IQSEC2: variants seen among roughly 807,000 people sequenced by gnomAD.
The protein encoded by IQSEC2 is IQ motif and SEC7 domain-containing protein 2.
Under a neutral mutation model 74.6 loss-of-function variants are expected in IQSEC2, and 6 were observed. The observed-to-expected ratio is 0.08, with a 90% confidence interval of 0.04 to 0.16. The LOEUF (loss-of-function observed/expected upper bound fraction) is 0.16. Among genes scored for constraint, IQSEC2 ranks in the 10% least tolerant of loss-of-function variants. The pLI is 1.00. For missense variants in IQSEC2, 734 were observed against 1,306.2 expected, an observed-to-expected ratio of 0.56 and a Z score of 6.75; for synonymous variants, 494 against 544.5, an observed-to-expected ratio of 0.91 and a Z score of 1.29.
At chrX:53,266,977 G>T in intron 2 of IQSEC2, 1 of 1,155,001 alleles carries the variant, frequency 8.7e-7, no homozygotes. Context: ...ACCGAGAGGA[G>T]GGACTACTGC....
chrX:53,273,176 T>C (rs2074769972), intron 2 of IQSEC2, among the ~76,000 whole-genome samples: 1 of 109,003 alleles, frequency 9.2e-6, no homozygotes, highest in African/African-American at 3.3e-5. Context: ...AACAAGACCA[T>C]TTCTGGTGGA....
At chrX:53,303,351 G>A (rs1235571842) in intron 1 of IQSEC2, among the ~76,000 whole-genome samples, 1 of 111,484 alleles carries the variant, frequency 9.0e-6, no homozygotes, top group Admixed American at 9.6e-5. Context: ...TGAGGAATGA[G>A]TGGAGCTGTA....
intron 4 of IQSEC2, among the ~76,000 whole-genome samples, chrX:53,251,738 T>C (rs1412915737): frequency 2.7e-5 from 3 of 112,051 alleles, no homozygotes; most frequent in African/African-American, 9.7e-5. Flanking sequence ...CAGAAGCGAA[T>C]GTATGTCACT....
chrX:53,228,499 G>C (rs923872359), downstream of IQSEC2, among the ~76,000 whole-genome samples: 12 of 111,799 alleles, frequency 1.1e-4, no homozygotes, highest in Non-Finnish European at 1.5e-4. Flanking sequence ...ATCCACCCGG[G>C]AGACAGGGTC....
At chrX:53,309,964 T>C (rs1184858442) in intron 1 of IQSEC2, among the ~76,000 whole-genome samples, 2 of 111,298 alleles carry the variant, frequency 1.8e-5, no homozygotes, top group African/African-American at 6.5e-5. Flanking sequence ...TCATTGTCCA[T>C]GGGAGATTTC....
At chrX:53,256,397 C>G (rs957477913) in intron 2 of IQSEC2, among the ~76,000 whole-genome samples, 7 of 110,597 alleles carry the variant, frequency 6.3e-5, no homozygotes, top group African/African-American at 2.3e-4. Flanking sequence ...CTCCTCATGC[C>G]CTTTCTTCTG....
In IQSEC2 at chrX:53,233,643, A is replaced by C. The variant is rs782069064; in HGVS notation, c.*576T>G. The C allele has an allele frequency of 7.2e-3, 1,900 of 263,555 alleles. 12 individuals are homozygous for C. The highest frequency in any genetic ancestry group is 8.2e-3 in the Non-Finnish European group (1,222 of 149,494). 21.7% of individuals were successfully genotyped at this position (263,555 alleles called of 1,213,427 possible). ...GTGGGGCCAACACAAGCAGGGTCCCACCCACCAAGTGCATCAATGGTCCGT... is the reference window on the plus strand; with the variant it reads ...GTGGGGCCAACACAAGCAGGGTCCCCCCCACCAAGTGCATCAATGGTCCGT... On this transcript the variant is annotated 3_prime_UTR_variant, in exon 15 of 15. Transcript: ENST00000642864.
At chrX:53,306,459 G>A (rs2075264208) in intron 1 of IQSEC2, among the ~76,000 whole-genome samples, 1 of 111,247 alleles carries the variant, frequency 9.0e-6, no homozygotes, top group Non-Finnish European at 1.9e-5. Flanking sequence ...GTGCTCTGGA[G>A]GCCAATGGAG....
At position 53,235,055 on chromosome X, in the gene IQSEC2, T is replaced by C; in HGVS notation, c.3631A>G (p.Ser1211Gly). Reference protein sequence around the residue: ...SSSFLGSLFGSKRGKGPFQMP... With the variant: ...SSSFLGSLFGGKRGKGPFQMP... ...TGGAAGGGCCCCTTGCCCCGCTTGC[T>C]TCCAAATAGGGAGCCCAGGAAGGAT... Residue 1211 changes from serine (S) to glycine (G), a missense_variant, in exon 15 of 15, where the codon AGC (serine) becomes GGC (glycine). Physicochemically the swap from Ser to Gly is moderately conservative, Grantham distance 56. This residue lies in a region of IQSEC2 where 249 missense variants were observed against 467.9 expected (regional missense o/e 0.53). Transcript: ENST00000642864. 1 of 1,160,699 alleles carries C rather than the reference T, an allele frequency of 8.6e-7. No individual in the cohort carries two copies. Among genetic ancestry groups the C allele is most frequent in the Non-Finnish European group, 1.1e-6 (1 of 871,284 alleles).
rs147598465 is a variant in IQSEC2 at position 53,281,151 on chromosome X, T to G, written c.737+10744A>C. ...TTTTGAATCTGAGACTCAGAGACTC[T>G]TAGGCTGCTGGAATGTTGGTGTTAG... On this transcript the variant is annotated intron_variant, in intron 2 of 14. Coordinates refer to ENST00000642864, the MANE Select transcript of IQSEC2 (RefSeq NM_001111125.3). Among the ~76,000 whole-genome samples the G allele has an allele frequency of 7.8e-3, 878 of 112,694 alleles. 10 individuals are homozygous for G. Among genetic ancestry groups the G allele is most frequent in the African/African-American group, 0.027 (841 of 31,026 alleles).
Position 53,250,271 on chromosome X carries a change from G to T in IQSEC2, c.2297+8C>A, listed in dbSNP as rs1556862948. 8.3e-7 allele frequency: 1 copy of T among 1,210,091 alleles called. No individual in the cohort carries two copies. The highest frequency in any genetic ancestry group is 1.1e-6 in the Non-Finnish European group (1 of 894,938). On this transcript the variant is annotated splice_region_variant and intron_variant, in intron 5 of 14. Coordinates refer to ENST00000642864, the MANE Select transcript of IQSEC2 (RefSeq NM_001111125.3). Reference sequence around the variant, plus strand: ...AGGGGTAAGCAGGCTAGAACGGGGAGCACGCACTTGTTGAAGAGGTTGAGG... The same window carrying T: ...AGGGGTAAGCAGGCTAGAACGGGGATCACGCACTTGTTGAAGAGGTTGAGG...
At chrX:53,241,266 C>T (rs1253808636) in intron 10 of IQSEC2, among the ~76,000 whole-genome samples, 4 of 110,301 alleles carry the variant, frequency 3.6e-5, no homozygotes, top group African/African-American at 1.3e-4. Context: ...CCACCATGCC[C>T]GGCTAATTTT....
At chrX:53,279,824 G>T in intron 2 of IQSEC2, 1 of 441,793 alleles carries the variant, frequency 2.3e-6, no homozygotes, top group African/African-American at 2.5e-5. Context: ...GTGGGAGGCA[G>T]GGAGGGAGGA....
chrX:53,290,734 C>A (rs2075090753), intron 2 of IQSEC2, among the ~76,000 whole-genome samples: 1 of 111,944 alleles, frequency 8.9e-6, no homozygotes, highest in Admixed American at 9.4e-5. Context: ...GATCCCCTGT[C>A]TGGGGTGCTA....
intron 13 of IQSEC2, 27 bp from the exon 14 acceptor site, chrX:53,235,859 G>A: frequency 1.7e-6 from 2 of 1,154,149 alleles, no homozygotes; most frequent in Non-Finnish European, 2.3e-6. Flanking sequence ...GGAGCCCAGC[G>A]TCAGAGCAGC....
At chrX:53,296,109 C>T (rs782095178) in intron 1 of IQSEC2, among the ~76,000 whole-genome samples, 4 of 108,192 alleles carry the variant, frequency 3.7e-5, no homozygotes, top group African/African-American at 1.4e-4. Context: ...GATCTTGGCT[C>T]ACTGCAACCT....
chrX:53,313,938 C>T (rs2075343669), intron 1 of IQSEC2, among the ~76,000 whole-genome samples: 2 of 112,309 alleles, frequency 1.8e-5, no homozygotes, highest in South Asian at 7.4e-4. Context: ...GAAGAGACAG[C>T]AAAGGCCAAA....
Position 53,239,289 on chromosome X carries a change from G to C in IQSEC2, c.3021C>G (p.Thr1007=). ...VFLFNDLLVV[T]KIFQKKKILV... ...AGATCTTCTTCTTCTGGAAAATTTT[G>C]GTGACCTTTGGCAGGGGTGGGAAAA... The change falls in exon 11 of 15, where the codon ACC becomes ACG. Residue 1007 remains threonine, a synonymous_variant. Coordinates refer to ENST00000642864, the MANE Select transcript of IQSEC2 (RefSeq NM_001111125.3). The C allele has an allele frequency of 8.4e-7, 1 of 1,189,245 alleles. No individual in the cohort carries two copies.
At chrX:53,277,410 G>A (rs1041908645) in intron 2 of IQSEC2, among the ~76,000 whole-genome samples, 59 of 109,579 alleles carry the variant, frequency 5.4e-4, no homozygotes, top group African/African-American at 2.0e-3. Context: ...TAGTAGAGAC[G>A]GGGTTTCACT....
Sources: allele counts gnomAD v4.1 joint callset (sites outside exome capture counted in the v4.1 genomes callset), GRCh38; gene constraint gnomAD v4.1.1; regional missense constraint gnomAD v4.1.1; transcripts MANE v1.5; gene names NCBI Gene and HGNC (gene_info 2026-07-23, HGNC 2026-07-21).